Variants in PCID2 observed in about 807,000 individuals in gnomAD.
The protein encoded by PCID2 is PCI domain containing 2.
In PCID2, 41 loss-of-function variants were observed where a neutral mutation model predicts 61.3. The ratio of observed to expected loss-of-function variants is 0.67; its 90% confidence interval spans 0.52 to 0.87. The LOEUF is 0.87. Ranked by LOEUF, PCID2 falls within the 40% of genes least tolerant of loss-of-function variation. PCID2 has a pLI of 0.00. For synonymous variants in PCID2, 187 were observed against 177.8 expected (o/e 1.05, Z -0.41); for missense variants, 392 against 493.4 (o/e 0.79, Z 1.95).
intron 6 of PCID2, among the ~76,000 whole-genome samples, chr13:113,193,277 T>A (rs538085082): frequency 4.3e-4 from 63 of 146,922 alleles, no homozygotes; most frequent in Admixed American, 1.0e-3. Flanking sequence ...CTAACCTTTT[T>A]AAAAAAAAAA....
intron 3 of PCID2, 60 bp downstream of exon 3, chr13:113,198,131 T>C: frequency 8.9e-7 from 1 of 1,118,604 alleles, no homozygotes; most frequent in Non-Finnish European, 1.3e-6. Flanking sequence ...CAAGATAAAA[T>C]CCCCAGTTAA....
rs524433 is a variant in PCID2 at position 113,177,649 on chromosome 13, T to C, written c.*549A>G. ...AAATAAGTTTATTGGGATGTAACCC[T>C]ATCATAAATTGAGGAGCATCCATAC... On this transcript the variant is annotated 3_prime_UTR_variant, in exon 14 of 14. Coordinates refer to ENST00000337344, the MANE Select transcript of PCID2 (RefSeq NM_001127202.4). 0.92 allele frequency: 140,176 copies of C among 152,252 alleles called. 65,619 individuals carry two copies. Among genetic ancestry groups the C allele is most frequent in the East Asian group, 1 (5,186 of 5,186 alleles). The allele number at this position is 152,252 out of a possible 1,614,324, so 9.4% of individuals were successfully genotyped here. A position where few individuals can be genotyped will look rare whatever the true frequency, so the allele number is the denominator to read the frequency against.
intron 6 of PCID2, among the ~76,000 whole-genome samples, chr13:113,192,903 G>A (rs2038729425): frequency 6.6e-6 from 1 of 152,158 alleles, no homozygotes; most frequent in African/African-American, 2.4e-5. Context: ...TGAAGGTGAA[G>A]CTGTCATGAA....
chr13:113,208,667 T>C lies in PCID2; in HGVS notation c.-33A>G, dbSNP rs1239265648. 5 of 1,596,128 alleles carry C rather than the reference T, an allele frequency of 3.1e-6. No individual in the cohort carries two copies. Among genetic ancestry groups the C allele is most frequent in the African/African-American group, 2.7e-5 (2 of 73,970 alleles). Reference sequence around the variant, plus strand: ...CCGCCGAACGGAGAGCGCCACCCCCTACGCCTCAAGCGGGCCAGCTGGCGT... The same window carrying C: ...CCGCCGAACGGAGAGCGCCACCCCCCACGCCTCAAGCGGGCCAGCTGGCGT... On this transcript the variant is annotated 5_prime_UTR_variant, in exon 1 of 14. Coordinates refer to ENST00000337344, the MANE Select transcript of PCID2 (RefSeq NM_001127202.4).
rs1264294893 is a variant in PCID2 at position 113,196,167 on chromosome 13, C to G, written c.308+14G>C. The G allele has an allele frequency of 6.3e-7, 1 of 1,599,558 alleles. No homozygotes were observed. The highest frequency in any genetic ancestry group is 1.3e-5 in the African/African-American group (1 of 74,716). On this transcript the variant is annotated intron_variant, in intron 5 of 13. Coordinates refer to ENST00000337344, the MANE Select transcript of PCID2 (RefSeq NM_001127202.4). Reference sequence around the variant, plus strand: ...TTGCCATTTGCTAATTCAGCTGTTTCTGTTCACACTTACCAGTTTTCTTCT... The same window carrying G: ...TTGCCATTTGCTAATTCAGCTGTTTGTGTTCACACTTACCAGTTTTCTTCT...
intron 4 of PCID2, 163 bp downstream of exon 4, chr13:113,197,015 G>A: frequency 6.2e-7 from 1 of 1,605,068 alleles, no homozygotes. Flanking sequence ...CTAAATTTAA[G>A]TACCCAAGTG....
the PCID2 span, among the ~76,000 whole-genome samples, chr13:113,170,688 A>G: frequency 6.6e-6 from 1 of 152,176 alleles, no homozygotes; most frequent in East Asian, 1.9e-4. Flanking sequence ...CAGGAAGCAT[A>G]TGTAAAATAC....
chr13:113,167,221 G>A, the PCID2 span, among the ~76,000 whole-genome samples: 2 of 152,142 alleles, frequency 1.3e-5, no homozygotes, highest in African/African-American at 4.8e-5. Context: ...GTCTTCTCTC[G>A]AACTTGGTTT....
Position 113,197,179 on chromosome 13 carries a change from G to C in PCID2, c.265C>G (p.Gln89Glu). The C allele has an allele frequency of 6.2e-7, 1 of 1,614,132 alleles. No homozygotes were observed. Among genetic ancestry groups the C allele is most frequent in the Non-Finnish European group, 8.5e-7 (1 of 1,179,994 alleles). The change falls in exon 4 of 14, where the codon CAA (glutamine) becomes GAA (glutamate). Residue 89 changes from glutamine to glutamate, a missense_variant and splice_region_variant. Gln to Glu is a conservative substitution (Grantham distance 29, BLOSUM62 2). Coordinates refer to ENST00000337344, the MANE Select transcript of PCID2 (RefSeq NM_001127202.4). ...GCTGCCATGAACGACAAAGGATATTGGACTATCACGGTCTGGCACTTGTAT... is the reference window on the plus strand; with the variant it reads ...GCTGCCATGAACGACAAAGGATATTCGACTATCACGGTCTGGCACTTGTAT... ...EAYKCQTVIVQSFLRAFQAHK... is the reference protein window; with the variant it reads ...EAYKCQTVIVESFLRAFQAHK...
chr13:113,179,630 T>C lies in PCID2; in HGVS notation c.986+287A>G, dbSNP rs1037274881. Among the ~76,000 whole-genome samples, 5 of 152,302 alleles carry C rather than the reference T, an allele frequency of 3.3e-5. No individual in the cohort carries two copies. Among genetic ancestry groups the C allele is most frequent in the Admixed American group, 1.3e-4 (2 of 15,308 alleles). On this transcript the variant is annotated intron_variant, in intron 12 of 13. Transcript: ENST00000337344. The surrounding 1 kb of genome is among the most constrained non-coding windows in gnomAD (Gnocchi z 4.3). ...GAGTGGCGAGTCCTGTGTGCTCTGA[T>C]GAAATGTGGTACCGCGGCTCTCAGG...
intron 1 of PCID2, among the ~76,000 whole-genome samples, chr13:113,207,113 G>T (rs1469388309): frequency 6.6e-6 from 1 of 152,196 alleles, no homozygotes; most frequent in Non-Finnish European, 1.5e-5. Flanking sequence ...CAGCAAGTAG[G>T]CTTCACTCTA....
intron 1 of PCID2, chr13:113,207,990 G>A (rs543820615): frequency 1.3e-6 from 2 of 1,569,258 alleles, no homozygotes; most frequent in South Asian, 2.2e-5. Flanking sequence ...ATCTTTACAA[G>A]TGTCCATCTT....
the PCID2 span, chr13:113,165,180 T>G: frequency 6.6e-7 from 1 of 1,524,834 alleles, no homozygotes; most frequent in Non-Finnish European, 9.0e-7. Flanking sequence ...TCACTTGTCA[T>G]TTCCTAAATA....
chr13:113,175,520 G>GC (rs2037171414), downstream of PCID2, among the ~76,000 whole-genome samples: 2 of 152,194 alleles, frequency 1.3e-5, no homozygotes, highest in Non-Finnish European at 2.9e-5. Flanking sequence ...GGGAAGATCA[G>GC]ATTTCCGTAC....
the PCID2 span, chr13:113,171,937 C>T: frequency 1.5e-5 from 24 of 1,613,570 alleles, no homozygotes; most frequent in Middle Eastern, 1.6e-4. The surrounding 1 kb of genome is among the most constrained non-coding windows in gnomAD (Gnocchi z 5.1). Context: ...AGAGAAGCAG[C>T]GTGGCGGCCA....
At chr13:113,165,138 G>A in the PCID2 span, 140 of 1,605,372 alleles carry the variant, frequency 8.7e-5, no homozygotes, top group African/African-American at 1.7e-4. Context: ...AGCGCTCTCC[G>A]CGTGCTTCAA....
chr13:113,168,787 G>A, the PCID2 span, among the ~76,000 whole-genome samples: 1 of 152,012 alleles, frequency 6.6e-6, no homozygotes, highest in Non-Finnish European at 1.5e-5. Context: ...GGAGTGTAGT[G>A]GTGTGATCAT....
chr13:113,179,704 C>G lies in PCID2; in HGVS notation c.986+213G>C, dbSNP rs116752849. 2.0e-5 allele frequency among the ~76,000 whole-genome samples: 3 copies of G among 152,192 alleles called. No homozygotes were observed. The highest frequency in any genetic ancestry group is 2.9e-5 in the Non-Finnish European group (2 of 68,046). On this transcript the variant is annotated intron_variant, in intron 12 of 13. Coordinates refer to ENST00000337344, the MANE Select transcript of PCID2 (RefSeq NM_001127202.4). The surrounding 1 kb of genome is among the most constrained non-coding windows in gnomAD (Gnocchi z 4.3). ...TCACATAGAACCTGCTTACCTCCCC[C>G]ACAAGTCCAGGCACAGCTTGTGCTA...
downstream of PCID2, among the ~76,000 whole-genome samples, chr13:113,176,489 T>G (rs2037188460): frequency 1.3e-5 from 2 of 152,292 alleles, no homozygotes; most frequent in African/African-American, 2.4e-5. Context: ...GAGCCGGGTG[T>G]GGTGGCACAT....
Sources: allele counts gnomAD v4.1 joint callset (sites outside exome capture counted in the v4.1 genomes callset), GRCh38; gene constraint gnomAD v4.1.1; non-coding constraint Gnocchi (gnomAD v3.1); transcripts MANE v1.5; gene names NCBI Gene and HGNC (gene_info 2026-07-23, HGNC 2026-07-21).